LINGO2: variants seen among roughly 807,000 people sequenced by gnomAD.
The protein encoded by LINGO2 is leucine-rich repeat and immunoglobulin-like domain-containing nogo receptor-interacting protein 2.
In LINGO2, 14 loss-of-function variants were observed where a neutral mutation model predicts 30.6. The ratio of observed to expected loss-of-function variants is 0.46; its 90% CI spans 0.30 to 0.72. The LOEUF (loss-of-function observed/expected upper bound fraction) is 0.72, where lower values mean the gene tolerates loss of function less well. Among genes scored for constraint, LINGO2 ranks in the 30% least tolerant of loss-of-function variants. The pLI, the probability that LINGO2 is intolerant of heterozygous loss-of-function variation, is 0.07. For missense variants in LINGO2, 729 were observed against 751.7 expected (o/e 0.97, Z 0.35); for synonymous variants, 317 against 288.5 (o/e 1.10, Z -1.00).
chr9:28,309,435 G>T (rs942694447), intron 3 of LINGO2, among the ~76,000 whole-genome samples: 2 of 151,344 alleles, frequency 1.3e-5, no homozygotes, highest in South Asian at 4.2e-4. Flanking sequence ...ACTGTTGTGG[G>T]GTGGCGGGAG....
chr9:29,168,850 T>G, the LINGO2 span, among the ~76,000 whole-genome samples: 18 of 152,162 alleles, frequency 1.2e-4, no homozygotes, highest in Admixed American at 1.0e-3. Flanking sequence ...CAGCCAAAGC[T>G]TAGTTATTTG....
At chr9:29,107,488 G>C in the LINGO2 span, among the ~76,000 whole-genome samples, 3 of 152,010 alleles carry the variant, frequency 2.0e-5, no homozygotes, top group East Asian at 3.9e-4. Context: ...GTTTTCTCCA[G>C]AATATAAAAG....
the LINGO2 span, among the ~76,000 whole-genome samples, chr9:28,676,760 C>T: frequency 7.5e-3 from 1,142 of 152,112 alleles, 11 homozygotes; most frequent in African/African-American, 0.022. Context: ...ATTTTATTTG[C>T]TTTAATCTTT....
At chr9:29,097,054 G>T in the LINGO2 span, among the ~76,000 whole-genome samples, 1 of 138,844 alleles carries the variant, frequency 7.2e-6, no homozygotes, top group Non-Finnish European at 1.6e-5. Flanking sequence ...CAAGATAGCA[G>T]CATTCTAAGG....
chr9:28,063,114 C>T (rs188416880), intron 4 of LINGO2, among the ~76,000 whole-genome samples: 2 of 152,234 alleles, frequency 1.3e-5, no homozygotes, highest in East Asian at 1.9e-4. Context: ...AAAGACCTCA[C>T]GAGCAGGCTA....
chr9:28,014,177 T>G (rs935320674), intron 4 of LINGO2, among the ~76,000 whole-genome samples: 1 of 152,164 alleles, frequency 6.6e-6, no homozygotes, highest in South Asian at 2.1e-4. Flanking sequence ...ACACAGTTGG[T>G]GCGCTCGAGC....
chr9:28,052,629 C>CA (rs1367295545), intron 4 of LINGO2, among the ~76,000 whole-genome samples: 1 of 152,082 alleles, frequency 6.6e-6, no homozygotes, highest in Non-Finnish European at 1.5e-5. Flanking sequence ...GTCATGGGTC[C>CA]TCAAAGATGA....
intron 3 of LINGO2, among the ~76,000 whole-genome samples, chr9:28,317,131 A>T (rs1223351270): frequency 6.6e-6 from 1 of 152,232 alleles, no homozygotes; most frequent in Non-Finnish European, 1.5e-5. Flanking sequence ...TTCACAGAAC[A>T]ATGTGAAACT....
intron 4 of LINGO2, among the ~76,000 whole-genome samples, chr9:28,282,411 G>GTT (rs201436777): frequency 3.0e-4 from 43 of 143,384 alleles, no homozygotes; most frequent in East Asian, 1.0e-3. Flanking sequence ...TTTCAGGATA[G>GTT]TTTTTTTTTT....
chr9:28,760,217 GAAAT>G, the LINGO2 span, among the ~76,000 whole-genome samples: 73 of 152,090 alleles, frequency 4.8e-4, 2 homozygotes, highest in African/African-American at 1.5e-3. Context: ...TATTAAAAAT[GAAAT>G]AAATAATTTC....
At chr9:28,020,737 A>C (rs886744920) in intron 4 of LINGO2, among the ~76,000 whole-genome samples, 1 of 152,190 alleles carries the variant, frequency 6.6e-6, no homozygotes, top group Non-Finnish European at 1.5e-5. Flanking sequence ...AAGCCTATTC[A>C]GATTGTATCA....
intron 3 of LINGO2, among the ~76,000 whole-genome samples, chr9:28,344,998 G>A (rs757650805): frequency 6.6e-6 from 1 of 152,058 alleles, no homozygotes; most frequent in African/African-American, 2.4e-5. Context: ...ATATTAGACA[G>A]TGGTAGTTCA....
chr9:27,965,645 C>T (rs1178336251), intron 5 of LINGO2, among the ~76,000 whole-genome samples: 2 of 151,916 alleles, frequency 1.3e-5, no homozygotes, highest in African/African-American at 2.4e-5. Context: ...CCTCTGTTCT[C>T]GTGTTTATTT....
intron 1 of LINGO2, among the ~76,000 whole-genome samples, chr9:28,629,146 T>C (rs1476449108): frequency 6.6e-6 from 1 of 151,998 alleles, no homozygotes; most frequent in East Asian, 1.9e-4. Flanking sequence ...GGTTGGAGTA[T>C]GGGTGGCAAT....
chr9:28,640,586 T>C (rs1282584633), intron 1 of LINGO2, among the ~76,000 whole-genome samples: 2 of 151,744 alleles, frequency 1.3e-5, no homozygotes, highest in Non-Finnish European at 2.9e-5. Context: ...TGATCTTCCA[T>C]CATTGATACC....
At chr9:28,481,622 A>G (rs1459812487) in intron 1 of LINGO2, among the ~76,000 whole-genome samples, 1 of 151,496 alleles carries the variant, frequency 6.6e-6, no homozygotes, top group Non-Finnish European at 1.5e-5. Context: ...TTATTTATTT[A>G]TTTATTTTTT....
At chr9:28,144,644 C>G (rs994855014) in intron 4 of LINGO2, among the ~76,000 whole-genome samples, 2 of 152,158 alleles carry the variant, frequency 1.3e-5, no homozygotes, top group African/African-American at 4.8e-5. Flanking sequence ...TGAAAGTCTA[C>G]TATGTTTAAG....
the LINGO2 span, among the ~76,000 whole-genome samples, chr9:28,860,499 G>A: frequency 4.0e-5 from 6 of 151,772 alleles, no homozygotes; most frequent in African/African-American, 1.2e-4. Context: ...CCATCTCATC[G>A]GATTTTGGAC....
At chr9:28,982,149 A>G in the LINGO2 span, among the ~76,000 whole-genome samples, 5 of 152,108 alleles carry the variant, frequency 3.3e-5, no homozygotes, top group Non-Finnish European at 5.9e-5. Flanking sequence ...ACATCATCCT[A>G]CAACTAGTAA....
Sources: gnomAD v4.1 joint callset for allele counts (sites outside exome capture counted in the v4.1 genomes callset) on GRCh38, gnomAD v4.1.1 for gene constraint, MANE v1.5 for transcripts, NCBI Gene and HGNC (gene_info 2026-07-23, HGNC 2026-07-21) for gene names.